The following DHX37 variants were observed in gnomAD, a reference collection of about 807,000 sequenced individuals.
DHX37 encodes the protein probable ATP-dependent RNA helicase DHX37.
A neutral mutation model predicts 134.3 loss-of-function variants in DHX37; 52 were observed. The observed-to-expected ratio is 0.39, with a 90% CI of 0.31 to 0.49. The LOEUF (loss-of-function observed/expected upper bound fraction) is 0.49. DHX37 is among the 20% of genes least tolerant of loss of function. DHX37 has a pLI of 0.93. For synonymous variants in DHX37, 634 were observed against 670.7 expected (o/e 0.95, Z 0.85); for missense variants, 1,344 against 1,580.8 (o/e 0.85, Z 2.54).
In DHX37 at chr12:124,950,749, TC is replaced by T; in HGVS notation, c.2923del (p.Glu975SerfsTer19). The T allele has an allele frequency of 1.2e-6, 2 of 1,609,468 alleles. No individual in the cohort carries two copies. The highest frequency in any genetic ancestry group is 1.7e-6 in the Non-Finnish European group (2 of 1,178,748). On this transcript the variant is annotated frameshift_variant, in exon 22 of 27. Transcript: ENST00000308736. LOFTEE classifies it high-confidence loss of function. ...CTGGTAGACCACAAACTCGGGGAGC[TC>T]TTTGAAAAGGACGGAGCTGGGGTGG... ...FIHPSSVLFK[E>X]LPEFVVYQEI... is the part of the protein sequence containing the mutation.
intron 13 of DHX37, among the ~76,000 whole-genome samples, chr12:124,965,269 T>G (rs1954358013): frequency 6.6e-6 from 1 of 152,158 alleles, no homozygotes; most frequent in Non-Finnish European, 1.5e-5. Context: ...CTGGCATGGA[T>G]CCCGGGAGCC....
At chr12:124,982,280 G>A (rs1025446357) in intron 3 of DHX37, among the ~76,000 whole-genome samples, 1 of 152,144 alleles carries the variant, frequency 6.6e-6, no homozygotes, top group African/African-American at 2.4e-5. Flanking sequence ...GGAAAACACC[G>A]ACATCACTGG....
chr12:124,971,252 T>TTG (rs773443387), intron 8 of DHX37, 50 bp downstream of exon 8: 18 of 1,582,206 alleles, frequency 1.1e-5, no homozygotes, highest in Middle Eastern at 2.2e-4. Flanking sequence ...CTGACAGAGC[T>TTG]GGGGGGGGCC....
rs767327742 is a variant in DHX37 at position 124,986,102 on chromosome 12, C to T, written c.270G>A (p.Lys90=). 3 of 1,613,872 alleles carry T rather than the reference C, an allele frequency of 1.9e-6. No individual in the cohort carries two copies. The highest frequency in any genetic ancestry group is 1.7e-6 in the Non-Finnish European group (2 of 1,180,002). ...CTGCCCGAGTGGGGTGTACCTGGCT[C>T]TTTTTCTCCTTCTGTTCTAAGATTT... is the stretch of plus-strand genomic sequence containing the variant. ...LQKILEQKEK[K]SQRAEMLQKL... is the part of the protein sequence containing the mutation. Residue 90 remains lysine, a synonymous_variant, in exon 2 of 27, where the codon AAG becomes AAA. Transcript: ENST00000308736.
At position 124,947,900 on chromosome 12, in the gene DHX37, G is replaced by A. The variant is rs899642926; in HGVS notation, c.3389-13C>T. The A allele has an allele frequency of 6.2e-7, 1 of 1,610,184 alleles. No homozygotes were observed. Among genetic ancestry groups the A allele is most frequent in the Non-Finnish European group, 8.5e-7 (1 of 1,177,778 alleles). On this transcript the variant is annotated splice_polypyrimidine_tract_variant and intron_variant, in intron 26 of 26. Coordinates refer to ENST00000308736, the MANE Select transcript of DHX37 (RefSeq NM_032656.4). ...TCAGCCAGCAGGTCTGCAGGGGAGG[G>A]AAGGAGGACAGTGTCAGGGTGACCC... is the stretch of plus-strand genomic sequence containing the variant.
At chr12:124,965,836 C>A in intron 12 of DHX37, 24 bp from the exon 13 acceptor site, 2 of 1,607,724 alleles carry the variant, frequency 1.2e-6, no homozygotes, top group Non-Finnish European at 1.7e-6. Context: ...GACATAGACA[C>A]CTGGGCTGCA....
rs1477149802 is a variant in DHX37, at chr12:124,979,749, CGGA to C, written c.738+738_738+740del. On this transcript the variant is annotated intron_variant, in intron 4 of 26. Transcript: ENST00000308736. ...GAGGCCAAGCCCCTGAGTGACCGCG[CGGA>C]GCAGAACCCCACACCCTCCTTGCCA... is the stretch of plus-strand genomic sequence containing the variant. 2.0e-5 allele frequency among the ~76,000 whole-genome samples: 3 copies of C among 152,216 alleles called. No homozygotes were observed. The East Asian group carries it at 5.8e-4, about 29-fold the overall frequency.
Position 124,980,880 on chromosome 12 carries a change from C to T in DHX37, c.390-42G>A. On this transcript the variant is annotated intron_variant, in intron 3 of 26. Coordinates refer to ENST00000308736, the MANE Select transcript of DHX37 (RefSeq NM_032656.4). The surrounding 1 kb of genome is among the most constrained non-coding windows in gnomAD (Gnocchi z 5.3). The stretch of plus-strand genomic sequence containing the variant: ...GACTTCAGGCACAGAGGCCCCACCT[C>T]AATCCCAGAGGTCAGGACTCCAAGG... The T allele has an allele frequency of 6.5e-7, 1 of 1,534,006 alleles. No individual in the cohort carries two copies. Among genetic ancestry groups the T allele is most frequent in the South Asian group, 1.2e-5 (1 of 83,918 alleles).
Position 124,989,043 on chromosome 12 carries a change from C to G in DHX37, c.-21G>C. The G allele has an allele frequency of 7.5e-7, 1 of 1,335,440 alleles. No individual in the cohort carries two copies. Among genetic ancestry groups the G allele is most frequent in the South Asian group, 2.2e-5 (1 of 44,776 alleles). The allele number at this position is 1,335,440 out of a possible 1,614,324, so 82.7% of individuals were successfully genotyped here. A position where few individuals can be genotyped will look rare whatever the true frequency, so the allele number is the denominator to read the frequency against. The stretch of plus-strand genomic sequence containing the variant: ...CCCATGGCGACTAGGCCAGGGTGGG[C>G]GCTCCAGCGGCCGGACCAGCAGAGC... On this transcript the variant is annotated 5_prime_UTR_variant, in exon 1 of 27. Coordinates refer to ENST00000308736, the MANE Select transcript of DHX37 (RefSeq NM_032656.4).
chr12:124,973,427 T>C (rs926802831), intron 6 of DHX37, among the ~76,000 whole-genome samples: 1 of 151,364 alleles, frequency 6.6e-6, no homozygotes, highest in African/African-American at 2.4e-5. Flanking sequence ...AAAAAATTAG[T>C]TCTTATCTCT....
chr12:124,957,004 T>C (rs1211006973), intron 17 of DHX37, 25 bp downstream of exon 17: 1 of 1,524,948 alleles, frequency 6.6e-7, no homozygotes, highest in Non-Finnish European at 8.8e-7. Flanking sequence ...GGGCAGGAAC[T>C]GGGCTCTGCA....
At chr12:124,975,820 C>G (rs138656694) in intron 5 of DHX37, among the ~76,000 whole-genome samples, 10 of 152,152 alleles carry the variant, frequency 6.6e-5, no homozygotes, top group Non-Finnish European at 1.5e-4. Flanking sequence ...CACAGGAACC[C>G]GCCAAGCCGA....
At position 124,986,143 on chromosome 12, in the gene DHX37, TCTC is replaced by T. The variant is rs1185383555; in HGVS notation, c.226_228del (p.Glu76del). 2.5e-6 allele frequency: 4 copies of T among 1,614,074 alleles called. No homozygotes were observed. Among genetic ancestry groups the T allele is most frequent in the Admixed American group, 1.7e-5 (1 of 59,994 alleles). On this transcript the variant is annotated inframe_deletion, in exon 2 of 27. Coordinates refer to ENST00000308736, the MANE Select transcript of DHX37 (RefSeq NM_032656.4). ...TCTAAGATTTTCTGCAGCACTTTCT[TCTC>T]CTTCTTGGTCAGAGGCTTCTTCTCC... is the stretch of plus-strand genomic sequence containing the variant.
chr12:124,986,217 G>A lies in DHX37; in HGVS notation c.155C>T (p.Pro52Leu), dbSNP rs529499939. Reference sequence around the variant, plus strand: ...TTTGGTCTTCTTTTTCTTCTTCCCCGGTAGAACGAGCGCGTTGCTTGCATC... The same window carrying A: ...TTTGGTCTTCTTTTTCTTCTTCCCCAGTAGAACGAGCGCGTTGCTTGCATC... ...GVDASNALVLPGKKKKKTKAP... is the reference protein window; with the variant it reads ...GVDASNALVLLGKKKKKTKAP... The change falls in exon 2 of 27, where the codon CCG becomes CTG. Residue 52 changes from proline (P) to leucine (L), a missense_variant. Physicochemically the swap from Pro to Leu is moderately conservative, Grantham distance 98. Coordinates refer to ENST00000308736, the MANE Select transcript of DHX37 (RefSeq NM_032656.4). 32 of 1,613,934 alleles carry A rather than the reference G, an allele frequency of 2.0e-5. No homozygotes were observed. The highest frequency in any genetic ancestry group is 1.6e-4 in the Middle Eastern group (1 of 6,062).
In DHX37 at chr12:124,963,466, C is replaced by T. The variant is rs530642708; in HGVS notation, c.2045+928G>A. 1.4e-4 allele frequency among the ~76,000 whole-genome samples: 22 copies of T among 152,280 alleles called. No individual in the cohort carries two copies. In the South Asian group the frequency reaches 2.7e-3, roughly 19 times the overall value. On this transcript the variant is annotated intron_variant, in intron 15 of 26. Transcript: ENST00000308736. ...CACAACTCTGTGACTGTCCTAAAAA[C>T]TCCTGGATTGTATGCTTTAAAATTA...
At chr12:124,955,013 T>C (rs897122518) in intron 18 of DHX37, among the ~76,000 whole-genome samples, 1 of 152,196 alleles carries the variant, frequency 6.6e-6, no homozygotes, top group African/African-American at 2.4e-5. Context: ...GAGCTCTCAG[T>C]CACCACGCTA....
In DHX37 at chr12:124,972,712, C is replaced by T. The variant is rs113315200; in HGVS notation, c.981-113G>A. On this transcript the variant is annotated intron_variant, in intron 6 of 26. Transcript: ENST00000308736. The stretch of plus-strand genomic sequence containing the variant: ...GCAGGCGGCTTGAGGGCAGGGCCCG[C>T]TGGCAACCTGAAACAAGTCCCAGAC... 1.3e-4 allele frequency: 126 copies of T among 938,016 alleles called. 1 individual carries two copies. In the African/African-American group the frequency reaches 1.6e-3, roughly 12 times the overall value. 58.1% of individuals were successfully genotyped at this position (938,016 alleles called of 1,614,324 possible).
chr12:124,954,015 G>A lies in DHX37; in HGVS notation c.2579-19C>T. 1 of 1,613,638 alleles carries A rather than the reference G, an allele frequency of 6.2e-7. No individual in the cohort carries two copies. The highest frequency in any genetic ancestry group is 8.5e-7 in the Non-Finnish European group (1 of 1,179,956). On this transcript the variant is annotated intron_variant, in intron 19 of 26. Coordinates refer to ENST00000308736, the MANE Select transcript of DHX37 (RefSeq NM_032656.4). The stretch of plus-strand genomic sequence containing the variant: ...ACGGCGCCTGGGGAACGAAGAGGGG[G>A]CATGCTCTCTCTCTGACCCATCCCA...
chr12:124,956,596 C>T (rs984469472), intron 18 of DHX37, 95 bp downstream of exon 18: 5 of 1,415,510 alleles, frequency 3.5e-6, no homozygotes, highest in Admixed American at 5.2e-5. Context: ...TCAAATGATT[C>T]TTCTACCTCA....
Sources: allele counts gnomAD v4.1 joint callset (sites outside exome capture counted in the v4.1 genomes callset), GRCh38; gene constraint gnomAD v4.1.1; non-coding constraint Gnocchi (gnomAD v3.1); transcripts MANE v1.5; gene names NCBI Gene and HGNC (gene_info 2026-07-23, HGNC 2026-07-21).